The following PTPRG variants were observed in gnomAD, a reference collection of about 807,000 sequenced individuals.
PTPRG encodes the protein receptor-type tyrosine-protein phosphatase gamma.
A neutral mutation model predicts 165.3 loss-of-function variants in PTPRG; 102 were observed. The observed-to-expected ratio is 0.62, with a 90% CI of 0.53 to 0.73. The LOEUF (loss-of-function observed/expected upper bound fraction) is 0.73. Ranked by LOEUF, PTPRG falls within the 30% of genes least tolerant of loss-of-function variation. The probability of loss-of-function intolerance (pLI) is 0.00; values close to 1 mark genes in which losing one functional copy is unlikely to be tolerated. For synonymous variants in PTPRG, 675 were observed against 669.5 expected (o/e 1.01, Z -0.13); for missense variants, 1,866 against 1,861.4 (o/e 1.00, Z -0.05).
chr3:61,826,058 A>C (rs1386079215), intron 2 of PTPRG, among the ~76,000 whole-genome samples: 30 of 152,228 alleles, frequency 2.0e-4, no homozygotes, highest in Admixed American at 2.0e-3. Context: ...AAACTGCTCA[A>C]ATATCCTTAA....
At chr3:61,947,596 A>T (rs1038519960) in intron 2 of PTPRG, among the ~76,000 whole-genome samples, 1 of 152,208 alleles carries the variant, frequency 6.6e-6, no homozygotes, top group Admixed American at 6.5e-5. Flanking sequence ...AGCAAAAAAT[A>T]GGAACTGATT....
intron 2 of PTPRG, among the ~76,000 whole-genome samples, chr3:61,826,370 A>G (rs1264788864): frequency 6.6e-6 from 1 of 152,196 alleles, no homozygotes; most frequent in Non-Finnish European, 1.5e-5. Flanking sequence ...TGACAAGATA[A>G]TGACATGCGG....
chr3:61,865,410 C>T (rs939054981), intron 2 of PTPRG, among the ~76,000 whole-genome samples: 6 of 152,076 alleles, frequency 3.9e-5, no homozygotes, highest in South Asian at 2.1e-4. Flanking sequence ...GCTGAGGAAA[C>T]GGGATATTAG....
intron 2 of PTPRG, among the ~76,000 whole-genome samples, chr3:61,864,075 C>G (rs1190594421): frequency 6.6e-6 from 1 of 152,180 alleles, no homozygotes; most frequent in Non-Finnish European, 1.5e-5. Context: ...GAATCCACAG[C>G]TCTTCACATT....
intron 2 of PTPRG, among the ~76,000 whole-genome samples, chr3:61,869,888 A>G (rs1307639497): frequency 6.6e-6 from 1 of 152,172 alleles, no homozygotes; most frequent in Non-Finnish European, 1.5e-5. Flanking sequence ...AGTGTGAGCC[A>G]CTGCACCTGG....
At chr3:62,155,931 A>G (rs1704520468) in intron 6 of PTPRG, among the ~76,000 whole-genome samples, 1 of 152,166 alleles carries the variant, frequency 6.6e-6, no homozygotes, top group South Asian at 2.1e-4. Flanking sequence ...AAGGGACCCC[A>G]TGAGCAGGAC....
chr3:61,832,761 A>C (rs2036333745), intron 2 of PTPRG, among the ~76,000 whole-genome samples: 1 of 152,100 alleles, frequency 6.6e-6, no homozygotes. Flanking sequence ...TACATGAGTA[A>C]GTTCTTTAGT....
chr3:61,779,260 A>G lies in PTPRG; in HGVS notation c.190+30278A>G, dbSNP rs957888564. On this transcript the variant is annotated intron_variant, in intron 2 of 29. Coordinates refer to ENST00000474889, the MANE Select transcript of PTPRG (RefSeq NM_002841.4). ...TGCTTGAAGCTGAGCAAACTGGGGA[A>G]ACATCAGATGAATCCTCGGGGAGGA... 7.2e-5 allele frequency among the ~76,000 whole-genome samples: 11 copies of G among 152,192 alleles called. 1 individual carries two copies.
At chr3:62,090,525 G>A (rs1178374249) in intron 5 of PTPRG, among the ~76,000 whole-genome samples, 1 of 152,042 alleles carries the variant, frequency 6.6e-6, no homozygotes, top group Non-Finnish European at 1.5e-5. Context: ...CCAAAGTTTT[G>A]TGGTTTCTCT....
intron 4 of PTPRG, among the ~76,000 whole-genome samples, chr3:62,008,558 C>T (rs1422787500): frequency 1.3e-5 from 2 of 152,220 alleles, no homozygotes; most frequent in Non-Finnish European, 2.9e-5. Context: ...AATCCCTTAT[C>T]TGAAACTCTT....
intron 2 of PTPRG, among the ~76,000 whole-genome samples, chr3:61,851,638 G>A (rs1440551185): frequency 6.6e-6 from 1 of 152,144 alleles, no homozygotes; most frequent in East Asian, 1.9e-4. Flanking sequence ...TTAGGGTGAA[G>A]TACACTTAAC....
At chr3:61,890,614 G>A (rs185485883) in intron 2 of PTPRG, among the ~76,000 whole-genome samples, 188 of 151,874 alleles carry the variant, frequency 1.2e-3, no homozygotes, top group Non-Finnish European at 1.5e-4. Context: ...ATCCATTTTT[G>A]TTCTAAACAT....
intron 1 of PTPRG, among the ~76,000 whole-genome samples, chr3:61,700,651 C>G (rs1442336506): frequency 2.0e-5 from 3 of 152,116 alleles, no homozygotes; most frequent in Non-Finnish European, 2.9e-5. Flanking sequence ...TTGGGAGGCT[C>G]AACTCCAGGG....
At chr3:62,074,134 C>A (rs1161935187) in intron 4 of PTPRG, among the ~76,000 whole-genome samples, 3 of 150,856 alleles carry the variant, frequency 2.0e-5, no homozygotes, top group Non-Finnish European at 3.0e-5. Context: ...GTAAAGGGGC[C>A]TATTATCTCC....
intron 2 of PTPRG, among the ~76,000 whole-genome samples, chr3:61,797,842 A>G (rs1378196403): frequency 6.6e-6 from 1 of 151,996 alleles, no homozygotes; most frequent in Non-Finnish European, 1.5e-5. Flanking sequence ...CTCAACTCTA[A>G]TTTTTAATGT....
intron 2 of PTPRG, among the ~76,000 whole-genome samples, chr3:61,954,538 T>C (rs915630190): frequency 2.0e-5 from 3 of 152,084 alleles, no homozygotes; most frequent in Admixed American, 6.6e-5. Context: ...AATAGGGACC[T>C]TCAGAGATTC....
intron 1 of PTPRG, among the ~76,000 whole-genome samples, chr3:61,650,581 AAAG>A (rs1472583822): frequency 6.6e-6 from 1 of 152,184 alleles, no homozygotes; most frequent in Non-Finnish European, 1.5e-5. Context: ...ACTGAGTAAG[AAAG>A]AAGTTTTGTG....
chr3:61,563,728 G>A (rs1382964761), intron 1 of PTPRG, among the ~76,000 whole-genome samples: 7 of 152,236 alleles, frequency 4.6e-5, no homozygotes, highest in Non-Finnish European at 1.0e-4. Flanking sequence ...GGCGGCTGGA[G>A]CGCCCGTTTT....
intron 1 of PTPRG, among the ~76,000 whole-genome samples, chr3:61,643,552 G>A (rs138019443): frequency 0.013 from 2,023 of 152,292 alleles, 24 homozygotes; most frequent in Non-Finnish European, 0.021. Flanking sequence ...GGCCGAGGCG[G>A]TGAATCACTT....
Sources: allele counts gnomAD v4.1 joint callset (sites outside exome capture counted in the v4.1 genomes callset), GRCh38; gene constraint gnomAD v4.1.1; transcripts MANE v1.5; gene names NCBI Gene and HGNC (gene_info 2026-07-23, HGNC 2026-07-21).